Variants in BCKDK observed in about 807,000 individuals in gnomAD.
BCKDK encodes branched-chain alpha-ketoacid dehydrogenase kinase.
Under a neutral mutation model 43.9 loss-of-function variants are expected in BCKDK, and 28 were observed. The ratio of observed to expected loss-of-function variants is 0.64; its 90% CI spans 0.47 to 0.87. The LOEUF (loss-of-function observed/expected upper bound fraction) is 0.87. BCKDK is among the 40% of genes least tolerant of loss of function. The pLI is 0.00. For missense variants in BCKDK, 483 were observed against 581.4 expected (o/e 0.83, Z 1.74); for synonymous variants, 257 against 234.3 (o/e 1.10, Z -0.88).
In BCKDK at chr16:31,110,195, T is replaced by C; in HGVS notation, c.424-10T>C. ...TGGACCACCCTTCCTCATGACTCTG[T>C]GACCTGCAGATCAAGGACCAGGCGG... On this transcript the variant is annotated splice_polypyrimidine_tract_variant and intron_variant, in intron 5 of 11. Transcript: ENST00000219794. The surrounding 1 kb of genome is among the most constrained non-coding windows in gnomAD (Gnocchi z 5.4). The C allele has an allele frequency of 1.2e-6, 2 of 1,614,106 alleles. No homozygotes were observed. Among genetic ancestry groups the C allele is most frequent in the Middle Eastern group, 1.6e-4 (1 of 6,062 alleles).
chr16:31,117,484 G>A (rs1053449978), downstream of BCKDK: 1 of 417,670 alleles, frequency 2.4e-6, no homozygotes. Flanking sequence ...AGGTCCGCAC[G>A]GAAAACCAGG....
In BCKDK at chr16:31,110,900, C is replaced by A; in HGVS notation, c.716+139C>A. ...TATTGACATTTCCAGCCAGATAATT[C>A]TTTGTCACAGGGGCTGCCCCGTGCA... On this transcript the variant is annotated intron_variant, in intron 8 of 11. Transcript: ENST00000219794. The surrounding 1 kb of genome is among the most constrained non-coding windows in gnomAD (Gnocchi z 5.4). 3 of 1,367,286 alleles carry A rather than the reference C, an allele frequency of 2.2e-6. No individual in the cohort carries two copies. The highest frequency in any genetic ancestry group is 4.6e-5 in the East Asian group (2 of 43,114). 84.7% of individuals were successfully genotyped at this position (1,367,286 alleles called of 1,614,324 possible).
rs1196196737 is a variant in BCKDK at position 31,110,811 on chromosome 16, G to A, written c.716+50G>A. The A allele has an allele frequency of 6.3e-7, 1 of 1,587,346 alleles. No individual in the cohort carries two copies. The highest frequency in any genetic ancestry group is 2.2e-5 in the East Asian group (1 of 44,744). On this transcript the variant is annotated intron_variant, in intron 8 of 11. Coordinates refer to ENST00000219794, the MANE Select transcript of BCKDK (RefSeq NM_005881.4). The surrounding 1 kb of genome is among the most constrained non-coding windows in gnomAD (Gnocchi z 5.4). ...TGGGCAGACATCTGGGGCAGGGAAG[G>A]CTTGGGTCTGAGCCCTTGCCCGGGG... is the stretch of plus-strand genomic sequence containing the variant.
At position 31,112,479 on chromosome 16, in the gene BCKDK, C is replaced by T. The variant is rs1223419509; in HGVS notation, c.*214C>T. 1.4e-6 allele frequency: 1 copy of T among 726,752 alleles called. No homozygotes were observed. The highest frequency in any genetic ancestry group is 2.4e-6 in the Non-Finnish European group (1 of 424,808). The allele number at this position is 726,752 out of a possible 1,614,324, so 45.0% of individuals were successfully genotyped here. ...AGAACTTGGAGCAGGGAAGTGGGCA[C>T]CCTGAGGCCTCCAGCACCAGTTCCG... On this transcript the variant is annotated 3_prime_UTR_variant, in exon 12 of 12. Transcript: ENST00000219794. The surrounding 1 kb of genome is among the most constrained non-coding windows in gnomAD (Gnocchi z 5.0).
Position 31,110,726 on chromosome 16 carries a change from A to G in BCKDK, c.681A>G (p.Pro227=), listed in dbSNP as rs1032004173. 2 of 1,614,110 alleles carry G rather than the reference A, an allele frequency of 1.2e-6. No homozygotes were observed. The highest frequency in any genetic ancestry group is 3.3e-5 in the Admixed American group (2 of 60,020). ...FVGIICTRLS[P]KKIIEKWVDF... ...GCATCATCTGTACTCGTCTCTCACC[A>G]AAGAAGATTATTGAGAAGTGGGTGG... The change falls in exon 8 of 12, where the codon CCA becomes CCG. Residue 227 remains proline, a synonymous_variant. Transcript: ENST00000219794. The surrounding 1 kb of genome is among the most constrained non-coding windows in gnomAD (Gnocchi z 5.4).
chr16:31,115,133 A>G (rs2057438902), downstream of BCKDK, among the ~76,000 whole-genome samples: 2 of 151,498 alleles, frequency 1.3e-5, no homozygotes, highest in African/African-American at 2.4e-5. Context: ...ATGTGGGCCA[A>G]GCTGGTTTTG....
chr16:31,115,592 T>C (rs1050981175), downstream of BCKDK, among the ~76,000 whole-genome samples: 1 of 151,812 alleles, frequency 6.6e-6, no homozygotes, highest in Admixed American at 6.6e-5. Flanking sequence ...AGTGGAGGGA[T>C]TATAGCTCAC....
At chr16:31,114,988 G>A (rs773989417), downstream of BCKDK, among the ~76,000 whole-genome samples, 10 of 151,950 alleles carry the variant, frequency 6.6e-5, no homozygotes, top group Admixed American at 2.0e-4. Context: ...GCAGTGGCGC[G>A]ATCTCGGCTC....
chr16:31,113,703 G>A (rs1321192353), downstream of BCKDK, among the ~76,000 whole-genome samples: 1 of 152,094 alleles, frequency 6.6e-6, no homozygotes, highest in Non-Finnish European at 1.5e-5. Context: ...TGAACTTCTG[G>A]GCTCAAATGA....
rs2057396544 is a variant in BCKDK, at chr16:31,109,946, G to A, written c.376-131G>A. 2 of 1,429,856 alleles carry A rather than the reference G, an allele frequency of 1.4e-6. No individual in the cohort carries two copies. Among genetic ancestry groups the A allele is most frequent in the East Asian group, 2.3e-5 (1 of 43,558 alleles). 88.6% of individuals were successfully genotyped at this position (1,429,856 alleles called of 1,614,324 possible). A position where few individuals can be genotyped will look rare whatever the true frequency, so the allele number is the denominator to read the frequency against. ...CCAAAGGTGTGTATTCACGGAGCCT[G>A]GAAGGGTCGAAGTGGGGGTTTGATC... On this transcript the variant is annotated intron_variant, in intron 4 of 11. Coordinates refer to ENST00000219794, the MANE Select transcript of BCKDK (RefSeq NM_005881.4). The surrounding 1 kb of genome is among the most constrained non-coding windows in gnomAD (Gnocchi z 5.3).
In BCKDK at chr16:31,111,308, T is replaced by C. The variant is rs2057410940; in HGVS notation, c.854T>C (p.Met285Thr). ...ELLKNAMRATMESHLDTPYNV... is the reference protein window; with the variant it reads ...ELLKNAMRATTESHLDTPYNV... ...CTTTCCCCTCTGCATAGAGCCACAA[T>C]GGAGAGTCACCTAGACACTCCCTAC... is the stretch of plus-strand genomic sequence containing the variant. Residue 285 changes from methionine to threonine, a missense_variant, in exon 10 of 12, where the codon ATG becomes ACG. Met to Thr is a moderately conservative substitution (Grantham distance 81). Transcript: ENST00000219794. The C allele has an allele frequency of 1.2e-6, 2 of 1,613,954 alleles. No homozygotes were observed. Among genetic ancestry groups the C allele is most frequent in the Admixed American group, 1.7e-5 (1 of 59,968 alleles).
Position 31,109,874 on chromosome 16 carries a change from C to T in BCKDK, c.375+91C>T. The T allele has an allele frequency of 6.9e-7, 1 of 1,448,782 alleles. No individual in the cohort carries two copies. Among genetic ancestry groups the T allele is most frequent in the Non-Finnish European group, 9.6e-7 (1 of 1,037,398 alleles). 89.7% of individuals were successfully genotyped at this position (1,448,782 alleles called of 1,614,324 possible). A position where few individuals can be genotyped will look rare whatever the true frequency, so the allele number is the denominator to read the frequency against. ...CCCAGAGTGGCAGACGATTGCTTGC[C>T]TAAAGGTGTCAGGGCCACACAGGAT... On this transcript the variant is annotated intron_variant, in intron 4 of 11. Coordinates refer to ENST00000219794, the MANE Select transcript of BCKDK (RefSeq NM_005881.4). This position sits in a 1 kb window ranked among gnomAD's most constrained non-coding sequence, Gnocchi z 5.3.
Position 31,111,167 on chromosome 16 carries a change from A to C in BCKDK, c.793A>C (p.Ile265Leu), listed in dbSNP as rs2057409516. Residue 265 changes from isoleucine (I) to leucine (L), a missense_variant, in exon 9 of 12, where the codon ATC becomes CTC. Physicochemically the swap from Ile to Leu is conservative, Grantham distance 5. Coordinates refer to ENST00000219794, the MANE Select transcript of BCKDK (RefSeq NM_005881.4). Reference protein sequence around the residue: ...NGHVAARFPFIPMPLDYILPE... With the variant: ...NGHVAARFPFLPMPLDYILPE... ...CCATGTGGCTGCCCGGTTCCCCTTC[A>C]TCCCTATGCCACTGGACTACATCCT... 6.2e-7 allele frequency: 1 copy of C among 1,614,078 alleles called. No homozygotes were observed. Among genetic ancestry groups the C allele is most frequent in the African/African-American group, 1.3e-5 (1 of 75,008 alleles).
rs1421286539 is a variant in BCKDK at position 31,112,288 on chromosome 16, A to G, written c.*23A>G. 3.1e-6 allele frequency: 5 copies of G among 1,604,530 alleles called. No individual in the cohort carries two copies. The South Asian group carries it at 5.5e-5, about 18-fold the overall frequency. ...TGACCCCACAGCCTTTGGCCTGCTC[A>G]CCCGACCAGCCTGGGCCGCATTCCC... is the stretch of plus-strand genomic sequence containing the variant. On this transcript the variant is annotated 3_prime_UTR_variant, in exon 12 of 12. Coordinates refer to ENST00000219794, the MANE Select transcript of BCKDK (RefSeq NM_005881.4). This position sits in a 1 kb window ranked among gnomAD's most constrained non-coding sequence, Gnocchi z 5.0.
rs911028145 is a variant in BCKDK at position 31,112,266 on chromosome 16, C to T, written c.*1C>T. ...CCGGGAGGAAAGCTTCCGGATCTGA[C>T]CCCACAGCCTTTGGCCTGCTCACCC... On this transcript the variant is annotated 3_prime_UTR_variant, in exon 12 of 12. Transcript: ENST00000219794. This position sits in a 1 kb window ranked among gnomAD's most constrained non-coding sequence, Gnocchi z 5.0. The T allele has an allele frequency of 3.1e-6, 5 of 1,607,990 alleles. No individual in the cohort carries two copies. Among genetic ancestry groups the T allele is most frequent in the Non-Finnish European group, 4.2e-6 (5 of 1,179,956 alleles).
downstream of BCKDK, among the ~76,000 whole-genome samples, chr16:31,115,416 T>A (rs1486202132): frequency 6.6e-6 from 1 of 151,144 alleles, no homozygotes; most frequent in South Asian, 2.1e-4. Context: ...AGAGATGGGG[T>A]TTCTCCATGT....
downstream of BCKDK, among the ~76,000 whole-genome samples, chr16:31,117,164 G>A (rs2057451968): frequency 6.6e-6 from 1 of 151,846 alleles, no homozygotes; most frequent in Non-Finnish European, 1.5e-5. Context: ...GAGGTCAAGA[G>A]ATCAAGACTA....
In BCKDK at chr16:31,109,553, C is replaced by G. The variant is rs145138361; in HGVS notation, c.238C>G (p.Arg80Gly). ...GCCCACCATGATGCTCTACGCTGGC[C>G]GCTCTCAGGACGGCAGCCACCTTCT... ...LTPTMMLYAG[R>G]SQDGSHLLKS... Residue 80 changes from arginine to glycine, a missense_variant, in exon 3 of 12, where the codon CGC (arginine) becomes GGC (glycine). Physicochemically the swap from Arg to Gly is moderately radical, Grantham distance 125. Transcript: ENST00000219794. The surrounding 1 kb of genome is among the most constrained non-coding windows in gnomAD (Gnocchi z 5.3). The G allele has an allele frequency of 1.2e-6, 2 of 1,614,104 alleles. No individual in the cohort carries two copies. The highest frequency in any genetic ancestry group is 1.7e-6 in the Non-Finnish European group (2 of 1,180,026).
chr16:31,112,111 C>T lies in BCKDK; in HGVS notation c.1095-10C>T. On this transcript the variant is annotated splice_polypyrimidine_tract_variant and intron_variant, in intron 11 of 11. Coordinates refer to ENST00000219794, the MANE Select transcript of BCKDK (RefSeq NM_005881.4). The surrounding 1 kb of genome is among the most constrained non-coding windows in gnomAD (Gnocchi z 5.0). ...GAAGCCTCCTGTCCTGTCCCCCTGC[C>T]CACCCCCAGCTTTGGCTTCGGGTTG... 3 of 1,607,342 alleles carry T rather than the reference C, an allele frequency of 1.9e-6. No homozygotes were observed. The highest frequency in any genetic ancestry group is 1.7e-4 in the Middle Eastern group (1 of 6,034).
Sources: allele counts gnomAD v4.1 joint callset (sites outside exome capture counted in the v4.1 genomes callset), GRCh38; gene constraint gnomAD v4.1.1; non-coding constraint Gnocchi (gnomAD v3.1); transcripts MANE v1.5; gene names NCBI Gene and HGNC (gene_info 2026-07-23, HGNC 2026-07-21).